The following RACGAP1 variants were observed in gnomAD, a reference collection of about 807,000 sequenced individuals.
The protein encoded by RACGAP1 is rac GTPase-activating protein 1.
Under a neutral mutation model 78.1 loss-of-function variants are expected in RACGAP1, and 30 were observed. That is an observed-to-expected ratio of 0.38 (90% confidence interval 0.29 to 0.52). The LOEUF (loss-of-function observed/expected upper bound fraction) is 0.52, where lower values mean the gene tolerates loss of function less well. RACGAP1 is among the 20% of genes least tolerant of loss of function. The pLI, the probability that RACGAP1 is intolerant of heterozygous loss-of-function variation, is 0.82. For synonymous variants in RACGAP1, 231 were observed against 264.8 expected, an observed-to-expected ratio of 0.87 and a Z score of 1.24; for missense variants, 587 against 777.1, an observed-to-expected ratio of 0.76 and a Z score of 2.91.
At chr12:50,000,482 G>GT (rs1948607211) in intron 7 of RACGAP1, among the ~76,000 whole-genome samples, 1 of 152,000 alleles carries the variant, frequency 6.6e-6, no homozygotes, top group African/African-American at 2.4e-5. Flanking sequence ...GAAATCTGAT[G>GT]TTTGGCTGGG....
Position 49,990,346 on chromosome 12 carries a change from A to G in RACGAP1, c.1824-3T>C. 6.2e-7 allele frequency: 1 copy of G among 1,610,994 alleles called. No individual in the cohort carries two copies. Among genetic ancestry groups the G allele is most frequent in the South Asian group, 1.1e-5 (1 of 91,030 alleles). ...CAGACTTGCTTTTGCTCCCAAATCTACAATAAAAAGAGAATGAACTGGAAA... is the reference window on the plus strand; with the variant it reads ...CAGACTTGCTTTTGCTCCCAAATCTGCAATAAAAAGAGAATGAACTGGAAA... On this transcript the variant is annotated splice_polypyrimidine_tract_variant and splice_region_variant and intron_variant, in intron 16 of 16. Coordinates refer to ENST00000312377, the MANE Select transcript of RACGAP1 (RefSeq NM_001319999.2).
At chr12:49,996,320 G>A (rs10875992) in intron 10 of RACGAP1, among the ~76,000 whole-genome samples, 30,981 of 150,648 alleles carry the variant, frequency 0.21, 6,186 homozygotes, top group African/African-American at 0.53. Context: ...TCAAAAAAAA[G>A]AGAGACATTA....
chr12:49,990,647 T>C, intron 16 of RACGAP1, 37 bp downstream of exon 16: 3 of 1,470,916 alleles, frequency 2.0e-6, no homozygotes, highest in Non-Finnish European at 2.8e-6. Flanking sequence ...AAGAAAGTAG[T>C]TGTTTTTTAT....
At chr12:50,029,631 C>T (rs539102662), upstream of RACGAP1, among the ~76,000 whole-genome samples, 79 of 151,914 alleles carry the variant, frequency 5.2e-4, no homozygotes, top group African/African-American at 1.6e-3. Flanking sequence ...CGGTGGCTCA[C>T]GCCTGTAATC....
At position 49,992,119 on chromosome 12, in the gene RACGAP1, C is replaced by T; in HGVS notation, c.1593G>A (p.Leu531=). The T allele has an allele frequency of 6.2e-7, 1 of 1,613,834 alleles. No homozygotes were observed. The highest frequency in any genetic ancestry group is 1.7e-5 in the Admixed American group (1 of 59,876). ...IKRQPKVVER[L]LSLPLEYWSQ... ...TCCAATACTCCAGAGGCAAGGAAAG[C>T]AGGCGCTCAACCACCTAAAAGCCAG... The change falls in exon 15 of 17, where the codon CTG becomes CTA. Residue 531 remains leucine, a synonymous_variant. Transcript: ENST00000312377.
chr12:50,030,897 A>G (rs891225133), intron 2 of RACGAP1, among the ~76,000 whole-genome samples: 2 of 150,628 alleles, frequency 1.3e-5, no homozygotes, highest in Admixed American at 1.3e-4. Flanking sequence ...CTCCTGCCTC[A>G]GCCTCCAGAG....
rs375335211 is a variant in RACGAP1, at chr12:50,001,155, G to A, written c.630+17C>T. 7 of 1,554,860 alleles carry A rather than the reference G, an allele frequency of 4.5e-6. 1 individual carries two copies. The African/African-American group carries it at 8.2e-5, about 18-fold the overall frequency. ...TGGGGCCAGTAATCTCTGTTACCTT[G>A]GCCTGACTATTCTTACCTGGTCTAC... On this transcript the variant is annotated intron_variant, in intron 7 of 16. Transcript: ENST00000312377.
At chr12:50,018,959 A>G (rs1262278777) in intron 1 of RACGAP1, among the ~76,000 whole-genome samples, 1 of 151,922 alleles carries the variant, frequency 6.6e-6, no homozygotes, top group African/African-American at 2.4e-5. Flanking sequence ...CTCCGGCCTC[A>G]GCCTCCTGAC....
upstream of RACGAP1, among the ~76,000 whole-genome samples, chr12:50,027,001 T>G (rs1950279996): frequency 6.6e-6 from 1 of 152,192 alleles, no homozygotes; most frequent in African/African-American, 2.4e-5. Flanking sequence ...GGCGTTCGGC[T>G]GACCCACCCA....
At chr12:50,032,366 T>A (rs1379846152) in intron 1 of RACGAP1, among the ~76,000 whole-genome samples, 1 of 152,094 alleles carries the variant, frequency 6.6e-6, no homozygotes, top group Non-Finnish European at 1.5e-5. Context: ...AGCTGTGTAA[T>A]GGAGGTGAGT....
intron 1 of RACGAP1, among the ~76,000 whole-genome samples, chr12:50,018,225 A>C (rs543667638): frequency 1.3e-5 from 2 of 152,160 alleles, no homozygotes; most frequent in South Asian, 4.1e-4. Context: ...AGAATTATAC[A>C]TTTATACTCA....
intron 1 of RACGAP1, among the ~76,000 whole-genome samples, chr12:50,020,681 C>A (rs1248525620): frequency 1.3e-5 from 2 of 152,076 alleles, no homozygotes; most frequent in Non-Finnish European, 2.9e-5. Context: ...ACTCAGAGAC[C>A]TCCTGCAAAC....
chr12:50,029,042 C>T (rs567955405), upstream of RACGAP1, among the ~76,000 whole-genome samples: 76 of 152,144 alleles, frequency 5.0e-4, 1 homozygote, highest in African/African-American at 1.7e-3. Flanking sequence ...ATGGTGAAAC[C>T]CTGTCTCTAC....
In RACGAP1 at chr12:49,992,123, C is replaced by T. The variant is rs144941231; in HGVS notation, c.1589G>A (p.Arg530His). 3.4e-4 allele frequency: 551 copies of T among 1,613,512 alleles called. No individual in the cohort carries two copies. Among genetic ancestry groups the T allele is most frequent in the Non-Finnish European group, 4.1e-4 (483 of 1,179,896 alleles). ...DIKRQPKVVERLLSLPLEYWS... is the reference protein window; with the variant it reads ...DIKRQPKVVEHLLSLPLEYWS... ...ATACTCCAGAGGCAAGGAAAGCAGG[C>T]GCTCAACCACCTAAAAGCCAGCAAA... The change falls in exon 15 of 17, where the codon CGC becomes CAC. Residue 530 changes from arginine (R) to histidine (H), a missense_variant. Physicochemically the swap from Arg to His is conservative, Grantham distance 29. Coordinates refer to ENST00000312377, the MANE Select transcript of RACGAP1 (RefSeq NM_001319999.2).
chr12:50,014,546 G>A (rs1949539078), intron 2 of RACGAP1, among the ~76,000 whole-genome samples: 1 of 152,020 alleles, frequency 6.6e-6, no homozygotes, highest in Non-Finnish European at 1.5e-5. Flanking sequence ...GGGACCACAG[G>A]CATGTGTCAC....
chr12:50,015,991 A>G (rs1034808119), intron 2 of RACGAP1, among the ~76,000 whole-genome samples: 2 of 152,002 alleles, frequency 1.3e-5, no homozygotes, highest in Non-Finnish European at 2.9e-5. Flanking sequence ...AAAAAAGACA[A>G]CTACTACTCT....
At chr12:50,027,056 T>C (rs1250832203), upstream of RACGAP1, among the ~76,000 whole-genome samples, 1 of 152,232 alleles carries the variant, frequency 6.6e-6, no homozygotes. Flanking sequence ...CCTCCAAGTA[T>C]AATGTAGAAA....
chr12:50,002,128 T>C (rs1056468802), intron 6 of RACGAP1, 119 bp downstream of exon 6: 5 of 659,170 alleles, frequency 7.6e-6, no homozygotes, highest in African/African-American at 7.3e-5. Flanking sequence ...AATTCATCTG[T>C]AGTATGTGCT....
chr12:50,016,481 T>C (rs1330447412), intron 2 of RACGAP1, 150 bp downstream of exon 2: 7 of 767,424 alleles, frequency 9.1e-6, no homozygotes, highest in Non-Finnish European at 1.5e-5. Flanking sequence ...TGAGTGCCCA[T>C]TAGGCTTTGA....
Sources: allele counts gnomAD v4.1 joint callset (sites outside exome capture counted in the v4.1 genomes callset), GRCh38; gene constraint gnomAD v4.1.1; transcripts MANE v1.5; gene names NCBI Gene and HGNC (gene_info 2026-07-23, HGNC 2026-07-21).